KCNT2: variants seen among roughly 807,000 people sequenced by gnomAD.
KCNT2 encodes potassium sodium-activated channel subfamily T member 2, also known as potassium channel subfamily T member 2.
Under a neutral mutation model 153.8 loss-of-function variants are expected in KCNT2, and 67 were observed. The ratio of observed to expected loss-of-function variants is 0.44; its 90% CI spans 0.36 to 0.53. The LOEUF (loss-of-function observed/expected upper bound fraction) is 0.53. Ranked by LOEUF, KCNT2 falls within the 20% of genes least tolerant of loss-of-function variation. The probability of loss-of-function intolerance (pLI) is 0.00; values close to 1 mark genes in which losing one functional copy is unlikely to be tolerated. For synonymous variants in KCNT2, 500 were observed against 458.8 expected, an observed-to-expected ratio of 1.09 and a Z score of -1.15; for missense variants, 975 against 1,354.8, an observed-to-expected ratio of 0.72 and a Z score of 4.40.
At chr1:196,551,808 G>A (rs1187792758) in intron 1 of KCNT2, among the ~76,000 whole-genome samples, 1 of 151,406 alleles carries the variant, frequency 6.6e-6, no homozygotes, top group Non-Finnish European at 1.5e-5. Flanking sequence ...TATCCACTGT[G>A]GGCTCATTTA....
At position 196,258,509 on chromosome 1, in the gene KCNT2, G is replaced by T. The variant is rs765500004; in HGVS notation, c.2911-15C>A. On this transcript the variant is annotated splice_polypyrimidine_tract_variant and intron_variant, in intron 25 of 27. Coordinates refer to ENST00000294725, the MANE Select transcript of KCNT2 (RefSeq NM_198503.5). ...GATATTTGAGACTTTAAAGGAAATA[G>T]ATATTGATAATTAGATACTTTAGAA... The T allele has an allele frequency of 1.4e-6, 2 of 1,405,332 alleles. No individual in the cohort carries two copies. The highest frequency in any genetic ancestry group is 2.0e-6 in the Non-Finnish European group (2 of 1,012,766). The allele number at this position is 1,405,332 out of a possible 1,614,324, so 87.1% of individuals were successfully genotyped here.
rs1572900139 is a variant in KCNT2, at chr1:196,585,586, G to T, written c.95+22629C>A. ...ACTGAGCTATTTATTACAGCCAAGA[G>T]GAAGCTAACTAATTAAAAAAAAACA... is the stretch of plus-strand genomic sequence containing the variant. On this transcript the variant is annotated intron_variant, in intron 1 of 27. Coordinates refer to ENST00000294725, the MANE Select transcript of KCNT2 (RefSeq NM_198503.5). Among the ~76,000 whole-genome samples the T allele has an allele frequency of 2.1e-5, 3 of 142,808 alleles. No individual in the cohort carries two copies. The Admixed American group carries it at 2.2e-4, about 11-fold the overall frequency. The allele number at this position is 142,808 out of a possible 152,430, so 93.7% of individuals were successfully genotyped here.
intron 22 of KCNT2, among the ~76,000 whole-genome samples, chr1:196,286,622 CACACACACACACACAT>C: frequency 7.1e-6 from 1 of 141,366 alleles, no homozygotes; most frequent in South Asian, 2.2e-4. Flanking sequence ...GTATATCACA[CACACACACACACACAT>C]ACACACACAC....
chr1:196,231,803 G>A (rs1282910075), intron 27 of KCNT2, among the ~76,000 whole-genome samples: 1 of 151,768 alleles, frequency 6.6e-6, no homozygotes, highest in East Asian at 1.9e-4. Context: ...AGAATAAGTA[G>A]TTTCAATTTG....
chr1:196,253,836 CTAACT>C (rs570735736), intron 26 of KCNT2, among the ~76,000 whole-genome samples: 1 of 151,506 alleles, frequency 6.6e-6, no homozygotes, highest in South Asian at 2.1e-4. Flanking sequence ...ACTCAACCAA[CTAACT>C]TATTTCAATA....
chr1:196,306,664 G>T (rs1374593028), intron 21 of KCNT2, among the ~76,000 whole-genome samples: 1 of 151,746 alleles, frequency 6.6e-6, no homozygotes, highest in African/African-American at 2.4e-5. Context: ...TTTACATTGG[G>T]CTTTAGTCAC....
intron 1 of KCNT2, among the ~76,000 whole-genome samples, chr1:196,581,073 C>A (rs369505498): frequency 6.6e-6 from 1 of 151,868 alleles, no homozygotes; most frequent in Admixed American, 6.6e-5. Flanking sequence ...ATTTACAAAA[C>A]GTACAGTTTT....
intron 1 of KCNT2, among the ~76,000 whole-genome samples, chr1:196,591,060 A>G (rs1663284307): frequency 6.6e-6 from 1 of 152,106 alleles, no homozygotes; most frequent in African/African-American, 2.4e-5. Context: ...ACACAAAAAA[A>G]GAGAGATAGA....
intron 1 of KCNT2, among the ~76,000 whole-genome samples, chr1:196,594,381 A>T (rs1421144677): frequency 1.3e-5 from 2 of 152,136 alleles, no homozygotes; most frequent in East Asian, 3.9e-4. Flanking sequence ...GGGGATCAGA[A>T]TTTTAATTCA....
Position 196,304,862 on chromosome 1 carries a change from C to T in KCNT2, c.2595+372G>A, listed in dbSNP as rs566007422. On this transcript the variant is annotated intron_variant, in intron 22 of 27. Coordinates refer to ENST00000294725, the MANE Select transcript of KCNT2 (RefSeq NM_198503.5). ...TCTACTGGGGAGGTAGTCTCCCCTA[C>T]CTAGGTAAGCAATAAACTTAGCTTT... is the stretch of plus-strand genomic sequence containing the variant. Among the ~76,000 whole-genome samples the T allele has an allele frequency of 3.9e-5, 6 of 152,184 alleles. No homozygotes were observed. In the South Asian group the frequency reaches 1.2e-3, roughly 32 times the overall value.
At chr1:196,253,756 C>G (rs1214463149) in intron 26 of KCNT2, among the ~76,000 whole-genome samples, 1 of 151,440 alleles carries the variant, frequency 6.6e-6, no homozygotes, top group African/African-American at 2.4e-5. Context: ...AAAGCTCTTT[C>G]TTTGTTCTTT....
chr1:196,261,313 A>C (rs1657006311), intron 25 of KCNT2, among the ~76,000 whole-genome samples: 1 of 151,910 alleles, frequency 6.6e-6, no homozygotes. Context: ...TGGTTATGTA[A>C]TCTAAGCTCT....
At chr1:196,505,457 ACCAG>A (rs1681052865) in intron 1 of KCNT2, among the ~76,000 whole-genome samples, 1 of 151,292 alleles carries the variant, frequency 6.6e-6, no homozygotes, top group South Asian at 2.1e-4. Flanking sequence ...CTGTTTTGGT[ACCAG>A]TACCATGCTG....
At chr1:196,526,539 C>T (rs143143372) in intron 1 of KCNT2, among the ~76,000 whole-genome samples, 3,214 of 151,696 alleles carry the variant, frequency 0.021, 117 homozygotes, top group African/African-American at 0.073. Flanking sequence ...CTACAACCTC[C>T]GCCTCCCAGG....
intron 14 of KCNT2, among the ~76,000 whole-genome samples, chr1:196,370,144 T>A (rs921113108): frequency 1.3e-5 from 2 of 152,090 alleles, no homozygotes; most frequent in African/African-American, 4.8e-5. Flanking sequence ...AGTTCAACCA[T>A]TGTGGAAGAA....
chr1:196,511,815 C>T (rs886715541), intron 1 of KCNT2, among the ~76,000 whole-genome samples: 1 of 152,110 alleles, frequency 6.6e-6, no homozygotes, highest in African/African-American at 2.4e-5. Flanking sequence ...ACCCTAACAA[C>T]CTCATATTAA....
intron 8 of KCNT2, among the ~76,000 whole-genome samples, chr1:196,439,693 C>A (rs1429558021): frequency 6.6e-6 from 1 of 151,998 alleles, no homozygotes; most frequent in Non-Finnish European, 1.5e-5. Flanking sequence ...ATCCTCCATC[C>A]ATTTGGATTT....
At chr1:196,263,750 A>G (rs1347888584) in intron 25 of KCNT2, among the ~76,000 whole-genome samples, 3 of 152,188 alleles carry the variant, frequency 2.0e-5, no homozygotes, top group Non-Finnish European at 4.4e-5. Flanking sequence ...GTTTTTCACT[A>G]CTATCAAACG....
At chr1:196,436,983 T>G (rs913483258) in intron 8 of KCNT2, among the ~76,000 whole-genome samples, 12 of 124,862 alleles carry the variant, frequency 9.6e-5, no homozygotes, top group Middle Eastern at 8.2e-3. Flanking sequence ...TAATCAAATT[T>G]AATATTGTTT....
Sources: allele counts gnomAD v4.1 joint callset (sites outside exome capture counted in the v4.1 genomes callset), GRCh38; gene constraint gnomAD v4.1.1; transcripts MANE v1.5; gene names NCBI Gene and HGNC (gene_info 2026-07-23, HGNC 2026-07-21).